The following DNAJC10 variants were observed in gnomAD, a reference collection of about 807,000 sequenced individuals.
DNAJC10 encodes endoplasmic reticulum disulfide reductase DNAJC10.
In DNAJC10, 101 loss-of-function variants were observed where a neutral mutation model predicts 115.0. The ratio of observed to expected loss-of-function variants is 0.88; its 90% confidence interval spans 0.75 to 1.04. The LOEUF is 1.04. Ranked by LOEUF, DNAJC10 falls within the 50% of genes least tolerant of loss-of-function variation. The pLI, the probability that DNAJC10 is intolerant of heterozygous loss-of-function variation, is 0.00. For missense variants in DNAJC10, 981 were observed against 928.8 expected, an observed-to-expected ratio of 1.06 and a Z score of -0.73; for synonymous variants, 307 against 301.5, an observed-to-expected ratio of 1.02 and a Z score of -0.19.
Position 182,766,200 on chromosome 2 carries a change from C to G in DNAJC10, c.2265+3399C>G, listed in dbSNP as rs555279647. Among the ~76,000 whole-genome samples the G allele has an allele frequency of 3.9e-5, 6 of 152,184 alleles. No individual in the cohort carries two copies. The South Asian group carries it at 1.0e-3, about 26-fold the overall frequency. ...ACTGTTGTTTAAGAATCCAGGCGTT[C>G]TGATGAAAAAAATCATGATCAGCTG... is the stretch of plus-strand genomic sequence containing the variant. On this transcript the variant is annotated intron_variant, in intron 22 of 23. Transcript: ENST00000264065.
At chr2:182,748,789 A>G (rs1693940268) in intron 14 of DNAJC10, among the ~76,000 whole-genome samples, 1 of 152,076 alleles carries the variant, frequency 6.6e-6, no homozygotes, top group Non-Finnish European at 1.5e-5. Context: ...TCTTGTGGGC[A>G]TTTAGTGCTA....
intron 5 of DNAJC10, among the ~76,000 whole-genome samples, chr2:182,726,880 T>C (rs932410303): frequency 6.7e-6 from 1 of 148,954 alleles, no homozygotes; most frequent in Admixed American, 6.6e-5. Flanking sequence ...TGCGGGCATG[T>C]GCCACCATGT....
chr2:182,719,956 C>T (rs1166880254), intron 3 of DNAJC10, 51 bp from the exon 4 acceptor site: 3 of 1,132,344 alleles, frequency 2.6e-6, no homozygotes, highest in African/African-American at 1.6e-5. Context: ...TTTGAAGAAA[C>T]TTGGATTGTG....
At position 182,761,669 on chromosome 2, in the gene DNAJC10, C is replaced by T. The variant is rs535435639; in HGVS notation, c.2146-1013C>T. Among the ~76,000 whole-genome samples, 49 of 152,064 alleles carry T rather than the reference C, an allele frequency of 3.2e-4. 1 individual carries two copies. Among genetic ancestry groups the T allele is most frequent in the Admixed American group, 1.6e-3 (25 of 15,250 alleles). On this transcript the variant is annotated intron_variant, in intron 21 of 23. Coordinates refer to ENST00000264065, the MANE Select transcript of DNAJC10 (RefSeq NM_018981.4). ...TCTGGCTTGAACTGAATGAATAGAACGAGGAAAAGTGGGTTCAGGGGACAT... is the reference window on the plus strand; with the variant it reads ...TCTGGCTTGAACTGAATGAATAGAATGAGGAAAAGTGGGTTCAGGGGACAT...
In DNAJC10 at chr2:182,756,512, G is replaced by A. The variant is rs1187341980; in HGVS notation, c.1809+43G>A. On this transcript the variant is annotated intron_variant, in intron 18 of 23. Transcript: ENST00000264065. ...TATTTTAAATCTTAACATTTACTAA[G>A]AATGTTTATTTAACAGAATTATTTT... 3 of 1,546,824 alleles carry A rather than the reference G, an allele frequency of 1.9e-6. No individual in the cohort carries two copies. In the South Asian group the frequency reaches 3.6e-5, roughly 18 times the overall value.
rs192880190 is a variant in DNAJC10 at position 182,773,412 on chromosome 2, C to T, written c.2266-1904C>T. On this transcript the variant is annotated intron_variant, in intron 22 of 23. Transcript: ENST00000264065. ...AGGTTGAGGAAGTTCTGGATAATAT[C>T]CTGAAGAGTGTTTTCCAACTTGGTT... is the stretch of plus-strand genomic sequence containing the variant. 2.1e-3 allele frequency among the ~76,000 whole-genome samples: 323 copies of T among 152,214 alleles called. 1 individual carries two copies. Among genetic ancestry groups the T allele is most frequent in the Middle Eastern group, 0.014 (4 of 294 alleles).
At chr2:182,737,666 C>G (rs950494285) in intron 11 of DNAJC10, among the ~76,000 whole-genome samples, 4 of 152,206 alleles carry the variant, frequency 2.6e-5, no homozygotes, top group African/African-American at 9.6e-5. Flanking sequence ...TATCACTGCT[C>G]ATTCAATATC....
At chr2:182,751,120 G>A (rs1694004859) in intron 14 of DNAJC10, among the ~76,000 whole-genome samples, 3 of 139,442 alleles carry the variant, frequency 2.2e-5, no homozygotes, top group Non-Finnish European at 4.6e-5. Flanking sequence ...ACATTTCAAA[G>A]AGATTTTGAC....
At position 182,786,942 on chromosome 2, in the gene DNAJC10, G is replaced by C. The variant is rs2105726916; in HGVS notation, c.*9810G>C. ...TGGTACACTTATAAAAGAGACCCCA[G>C]TATCTTGCTCGTCCCTTCTGCCATG... On this transcript the variant is annotated 3_prime_UTR_variant, in exon 24 of 24. Transcript: ENST00000264065. 1 of 152,268 alleles carries C rather than the reference G, an allele frequency of 6.6e-6. No individual in the cohort carries two copies. The highest frequency in any genetic ancestry group is 6.5e-5 in the Admixed American group (1 of 15,278). 9.4% of individuals were successfully genotyped at this position (152,268 alleles called of 1,614,324 possible).
At chr2:182,734,246 A>G (rs1693528839) in intron 10 of DNAJC10, among the ~76,000 whole-genome samples, 1 of 151,364 alleles carries the variant, frequency 6.6e-6, no homozygotes, top group Non-Finnish European at 1.5e-5. Context: ...TAAATTAGTG[A>G]CTACAGCTTT....
intron 21 of DNAJC10, 114 bp downstream of exon 21, chr2:182,759,421 T>A: frequency 1.0e-6 from 1 of 954,474 alleles, no homozygotes; most frequent in Non-Finnish European, 1.6e-6. Flanking sequence ...CCTCTGAATT[T>A]AAAAATAGCT....
At chr2:182,744,861 G>T (rs1693821794) in intron 14 of DNAJC10, among the ~76,000 whole-genome samples, 1 of 152,160 alleles carries the variant, frequency 6.6e-6, no homozygotes, top group Admixed American at 6.5e-5. Flanking sequence ...TGCTAGAAAT[G>T]ACTAAGTTTT....
chr2:182,753,673 C>A (rs924903458), intron 16 of DNAJC10, among the ~76,000 whole-genome samples: 1 of 149,876 alleles, frequency 6.7e-6, no homozygotes, highest in Non-Finnish European at 1.5e-5. Context: ...AGCTCCACCC[C>A]CCGGGTTCAT....
Position 182,745,692 on chromosome 2 carries a change from AT to A in DNAJC10, c.1306+1992del, listed in dbSNP as rs573985098. Among the ~76,000 whole-genome samples, 1,230 of 142,058 alleles carry A rather than the reference AT, an allele frequency of 8.7e-3. 16 individuals are homozygous for A. The highest frequency in any genetic ancestry group is 0.028 in the African/African-American group (1,094 of 39,212). 93.2% of individuals were successfully genotyped at this position (142,058 alleles called of 152,430 possible). A position where few individuals can be genotyped will look rare whatever the true frequency, so the allele number is the denominator to read the frequency against. On this transcript the variant is annotated intron_variant, in intron 14 of 23. Coordinates refer to ENST00000264065, the MANE Select transcript of DNAJC10 (RefSeq NM_018981.4). ...CAGACAAGTAAACTAACAAATTTTT[AT>A]TTTTTTTTTTTATGGACAAGTTTTT...
chr2:182,754,627 T>C (rs770854086), intron 16 of DNAJC10: 3 of 286,916 alleles, frequency 1.0e-5, no homozygotes, highest in Non-Finnish European at 1.6e-5. Flanking sequence ...AGAAAAAGTA[T>C]TTATTATGGT....
intron 5 of DNAJC10, among the ~76,000 whole-genome samples, chr2:182,724,818 T>G (rs951154746): frequency 1.3e-5 from 2 of 152,206 alleles, no homozygotes; most frequent in African/African-American, 4.8e-5. Flanking sequence ...TGATACAGTA[T>G]TTAAAATATT....
At position 182,775,426 on chromosome 2, in the gene DNAJC10, G is replaced by A. The variant is rs1694681187; in HGVS notation, c.2370+6G>A. On this transcript the variant is annotated splice_donor_region_variant and intron_variant, in intron 23 of 23. Transcript: ENST00000264065. ...ATCAAGGCAAGAGGAATAAGGTATG[G>A]ACTAAGCCTAGAGTTGACTTTGGCA... is the stretch of plus-strand genomic sequence containing the variant. 1 of 1,595,250 alleles carries A rather than the reference G, an allele frequency of 6.3e-7. No individual in the cohort carries two copies. The highest frequency in any genetic ancestry group is 1.3e-5 in the African/African-American group (1 of 74,430).
intron 12 of DNAJC10, among the ~76,000 whole-genome samples, chr2:182,740,816 C>T (rs1693714336): frequency 6.6e-6 from 1 of 151,994 alleles, no homozygotes; most frequent in Admixed American, 6.6e-5. Context: ...AAAGTAATTG[C>T]AGTTTTTGCC....
At position 182,783,090 on chromosome 2, in the gene DNAJC10, GTTTT is replaced by G. The variant is rs1409443054; in HGVS notation, c.*5961_*5964del. On this transcript the variant is annotated 3_prime_UTR_variant, in exon 24 of 24. Coordinates refer to ENST00000264065, the MANE Select transcript of DNAJC10 (RefSeq NM_018981.4). ...TTTGAGATATGTTCCATCATATCTAGTTTTTTGAGTGTTTTTAGCATGAAAGGGT... is the reference window on the plus strand; with the variant it reads ...TTTGAGATATGTTCCATCATATCTAGTTGAGTGTTTTTAGCATGAAAGGGT... 2.0e-5 allele frequency: 3 copies of G among 152,130 alleles called. No homozygotes were observed. Among genetic ancestry groups the G allele is most frequent in the African/African-American group, 7.2e-5 (3 of 41,444 alleles). The allele number at this position is 152,130 out of a possible 1,614,324, so 9.4% of individuals were successfully genotyped here. A position where few individuals can be genotyped will look rare whatever the true frequency, so the allele number is the denominator to read the frequency against.
Sources: gnomAD v4.1 joint callset for allele counts (sites outside exome capture counted in the v4.1 genomes callset) on GRCh38, gnomAD v4.1.1 for gene constraint, MANE v1.5 for transcripts, NCBI Gene and HGNC (gene_info 2026-07-23, HGNC 2026-07-21) for gene names.